The following WASF2 variants were observed in gnomAD, a reference collection of about 807,000 sequenced individuals.
WASF2 encodes WASP family member 2.
Under a neutral mutation model 45.0 loss-of-function variants are expected in WASF2, and 14 were observed. The observed-to-expected ratio is 0.31, with a 90% confidence interval of 0.21 to 0.49. WASF2 has a LOEUF of 0.49. WASF2 is among the 20% of genes least tolerant of loss of function. The probability of loss-of-function intolerance (pLI) is 0.99; values close to 1 mark genes in which losing one functional copy is unlikely to be tolerated. For synonymous variants in WASF2, 200 were observed against 236.3 expected (o/e 0.85, Z 1.41); for missense variants, 439 against 636.1 (o/e 0.69, Z 3.33).
intron 2 of WASF2, among the ~76,000 whole-genome samples, chr1:27,425,877 G>A (rs1368721326): frequency 6.7e-6 from 1 of 149,404 alleles, no homozygotes; most frequent in Non-Finnish European, 1.5e-5. Flanking sequence ...GCTGGGTGTG[G>A]TGGCACATGC....
At chr1:27,449,933 C>G (rs1467485612) in intron 1 of WASF2, among the ~76,000 whole-genome samples, 2 of 152,152 alleles carry the variant, frequency 1.3e-5, no homozygotes, top group Non-Finnish European at 2.9e-5. Context: ...CGTCTGAGGT[C>G]AGGAGTTCGA....
intron 1 of WASF2, among the ~76,000 whole-genome samples, chr1:27,440,511 AC>A (rs1487649869): frequency 6.6e-6 from 1 of 151,396 alleles, no homozygotes; most frequent in Non-Finnish European, 1.5e-5. Flanking sequence ...ACAGAGTGAG[AC>A]CCTGTCTTAA....
rs1204242373 is a variant in WASF2 at position 27,407,979 on chromosome 1, G to C, written c.*210C>G. The C allele has an allele frequency of 1.2e-5, 6 of 506,466 alleles. No homozygotes were observed. The highest frequency in any genetic ancestry group is 2.1e-5 in the Non-Finnish European group (6 of 292,348). The allele number at this position is 506,466 out of a possible 1,614,324, so 31.4% of individuals were successfully genotyped here. A position where few individuals can be genotyped will look rare whatever the true frequency, so the allele number is the denominator to read the frequency against. On this transcript the variant is annotated 3_prime_UTR_variant, in exon 9 of 9. Transcript: ENST00000618852. ...GAACATCCCAGCTACTGAACCTCAG[G>C]AGCCCCACAGGGCCTGAAAATGGGG...
chr1:27,430,191 G>A (rs961086030), intron 1 of WASF2, among the ~76,000 whole-genome samples: 3 of 152,158 alleles, frequency 2.0e-5, no homozygotes, highest in African/African-American at 7.2e-5. Context: ...TCCACAAAAT[G>A]GATATGACTA....
At chr1:27,460,002 G>A (rs1483563115) in intron 1 of WASF2, among the ~76,000 whole-genome samples, 1 of 152,186 alleles carries the variant, frequency 6.6e-6, no homozygotes, top group African/African-American at 2.4e-5. Flanking sequence ...AGATCAATGA[G>A]ATAACACATA....
intron 1 of WASF2, among the ~76,000 whole-genome samples, chr1:27,467,587 C>T (rs2017632421): frequency 6.6e-6 from 1 of 151,168 alleles, no homozygotes; most frequent in African/African-American, 2.4e-5. Flanking sequence ...AGGCGTGAGC[C>T]ACCACGCCTA....
intron 1 of WASF2, among the ~76,000 whole-genome samples, chr1:27,482,664 AT>A (rs1204185029): frequency 6.6e-6 from 1 of 152,236 alleles, no homozygotes. Flanking sequence ...TTTAAACCAA[AT>A]AAAATAAAAC....
chr1:27,486,811 A>T (rs577256912), intron 1 of WASF2, among the ~76,000 whole-genome samples: 262 of 151,872 alleles, frequency 1.7e-3, no homozygotes, highest in Admixed American at 3.5e-3. Flanking sequence ...GTAGTCCCAG[A>T]TACTTGGGAG....
At chr1:27,478,623 C>T (rs1306264331) in intron 1 of WASF2, among the ~76,000 whole-genome samples, 1 of 152,100 alleles carries the variant, frequency 6.6e-6, no homozygotes, top group Non-Finnish European at 1.5e-5. Context: ...ACTCTTGTTG[C>T]CCAGGCTGGA....
chr1:27,411,422 T>C (rs930265461), intron 7 of WASF2, among the ~76,000 whole-genome samples: 2 of 152,246 alleles, frequency 1.3e-5, no homozygotes, highest in Non-Finnish European at 2.9e-5. Flanking sequence ...TTTGTTTCAT[T>C]GTTTCTGGAG....
chr1:27,414,589 G>A lies in WASF2; in HGVS notation c.668+244C>T, dbSNP rs1215869409. On this transcript the variant is annotated intron_variant, in intron 6 of 8. Coordinates refer to ENST00000618852, the MANE Select transcript of WASF2 (RefSeq NM_006990.5). This position sits in a 1 kb window ranked among gnomAD's most constrained non-coding sequence, Gnocchi z 4.1. ...GTATCTCGCAGAGTAAGGGCACTAGGAGCCATGGGCTTTCTTTTCCAGACC... is the reference window on the plus strand; with the variant it reads ...GTATCTCGCAGAGTAAGGGCACTAGAAGCCATGGGCTTTCTTTTCCAGACC... 6.6e-6 allele frequency among the ~76,000 whole-genome samples: 1 copy of A among 152,124 alleles called. No homozygotes were observed. The highest frequency in any genetic ancestry group is 1.5e-5 in the Non-Finnish European group (1 of 68,026).
intron 1 of WASF2, among the ~76,000 whole-genome samples, chr1:27,487,512 T>C (rs1262646281): frequency 8.9e-6 from 1 of 112,430 alleles, no homozygotes; most frequent in Non-Finnish European, 1.7e-5. Flanking sequence ...TAATATATGT[T>C]ATATTATATA....
At chr1:27,486,301 T>G (rs1355487055) in intron 1 of WASF2, among the ~76,000 whole-genome samples, 2 of 152,190 alleles carry the variant, frequency 1.3e-5, no homozygotes, top group Non-Finnish European at 2.9e-5. Flanking sequence ...TCCAAAAATT[T>G]TTAAATTCAG....
intron 1 of WASF2, among the ~76,000 whole-genome samples, chr1:27,472,386 C>A (rs961180230): frequency 6.6e-6 from 1 of 151,050 alleles, no homozygotes; most frequent in African/African-American, 2.4e-5. Flanking sequence ...GTGATCCTAG[C>A]ACTTTGGGAG....
rs2017597077 is a variant in WASF2 at position 27,465,115 on chromosome 1, A to G, written c.-44+24871T>C. 2.0e-5 allele frequency among the ~76,000 whole-genome samples: 3 copies of G among 152,228 alleles called. No homozygotes were observed. In the South Asian group the frequency reaches 6.2e-4, roughly 32 times the overall value. ...TGAGACTGCCAGATGTCTGACTTTC[A>G]GATGCTGTTCCTCTTTACTTCTCAA... On this transcript the variant is annotated intron_variant, in intron 1 of 8. Transcript: ENST00000618852.
chr1:27,416,892 C>A (rs2016834201), intron 4 of WASF2, among the ~76,000 whole-genome samples: 1 of 152,158 alleles, frequency 6.6e-6, no homozygotes, highest in Non-Finnish European at 1.5e-5. Context: ...CTCTCACTAT[C>A]CAGAAAGGAT....
chr1:27,409,288 G>T (rs909643383), intron 8 of WASF2, among the ~76,000 whole-genome samples: 1 of 151,444 alleles, frequency 6.6e-6, no homozygotes, highest in Non-Finnish European at 1.5e-5. Context: ...AGCCGGGCGT[G>T]GTGGCAGGCG....
chr1:27,453,110 G>C (rs1424156793), intron 1 of WASF2, among the ~76,000 whole-genome samples: 4 of 151,038 alleles, frequency 2.6e-5, no homozygotes, highest in African/African-American at 7.3e-5. Context: ...AGCAGGCTGA[G>C]GCAGGAGAAT....
Position 27,405,713 on chromosome 1 carries a change from G to C in WASF2, c.*2476C>G, listed in dbSNP as rs986948623. 7 of 148,972 alleles carry C rather than the reference G, an allele frequency of 4.7e-5. No individual in the cohort carries two copies. The highest frequency in any genetic ancestry group is 7.5e-5 in the African/African-American group (3 of 40,248). The allele number at this position is 148,972 out of a possible 1,614,324, so 9.2% of individuals were successfully genotyped here. ...CCCCGAGCTGAGGAGGCTTCGCAAG[G>C]CCGGCTGCTACAAAGTGCCGAGCTT... On this transcript the variant is annotated 3_prime_UTR_variant, in exon 9 of 9. Transcript: ENST00000618852.
Sources: gnomAD v4.1 joint callset for allele counts (sites outside exome capture counted in the v4.1 genomes callset) on GRCh38, gnomAD v4.1.1 for gene constraint, Gnocchi (gnomAD v3.1) non-coding constraint, MANE v1.5 for transcripts, NCBI Gene and HGNC (gene_info 2026-07-23, HGNC 2026-07-21) for gene names.